FHIT: variants seen among roughly 807,000 people sequenced by gnomAD.
FHIT encodes fragile histidine triad diadenosine triphosphatase.
Under a neutral mutation model 17.9 loss-of-function variants are expected in FHIT, and 19 were observed. The ratio of observed to expected loss-of-function variants is 1.06; its 90% confidence interval spans 0.74 to 1.56. The LOEUF is 1.56. Among genes scored for constraint, FHIT ranks in the 40% most tolerant of loss-of-function variants. The pLI is 0.00. For missense variants in FHIT, 248 were observed against 189.2 expected (o/e 1.31, Z -1.82); for synonymous variants, 81 against 69.7 (o/e 1.16, Z -0.81).
At position 60,938,006 on chromosome 3, in the gene FHIT, C is replaced by CCTT. The variant is rs1553773534; in HGVS notation, c.-111+104040_-111+104041insAAG. Among the ~76,000 whole-genome samples the CCTT allele has an allele frequency of 1.4e-4, 22 of 152,272 alleles. No homozygotes were observed. The South Asian group carries it at 4.4e-3, about 30-fold the overall frequency. ...AGGCCTGAGGGACTCTGTTTCTCTA[C>CCTT]AGGTCAGCTCCAAAGCAGAGGGCCC... On this transcript the variant is annotated intron_variant, in intron 3 of 9. Transcript: ENST00000492590.
At chr3:60,046,739 G>A (rs1038675367) in intron 5 of FHIT, among the ~76,000 whole-genome samples, 1 of 152,208 alleles carries the variant, frequency 6.6e-6, no homozygotes, top group Non-Finnish European at 1.5e-5. Flanking sequence ...TCTGTAAACA[G>A]TGGGCTTGGT....
intron 3 of FHIT, among the ~76,000 whole-genome samples, chr3:60,877,461 C>G (rs1704720617): frequency 6.6e-6 from 1 of 152,230 alleles, no homozygotes; most frequent in Non-Finnish European, 1.5e-5. Flanking sequence ...TTTGGCAGAA[C>G]AGCTCCATCT....
chr3:60,509,764 G>A (rs2107540833), intron 5 of FHIT, among the ~76,000 whole-genome samples: 1 of 152,284 alleles, frequency 6.6e-6, no homozygotes, highest in South Asian at 2.1e-4. Context: ...TGTTGACAAT[G>A]ATCTGTTTCA....
intron 5 of FHIT, among the ~76,000 whole-genome samples, chr3:60,134,376 G>T (rs1206579295): frequency 2.6e-5 from 4 of 152,156 alleles, no homozygotes; most frequent in African/African-American, 4.8e-5. Flanking sequence ...TTAGAAAATT[G>T]TTCACATTTA....
At chr3:60,332,003 C>T (rs990346864) in intron 5 of FHIT, among the ~76,000 whole-genome samples, 5 of 152,000 alleles carry the variant, frequency 3.3e-5, no homozygotes, top group Non-Finnish European at 5.9e-5. Context: ...GTACCATGTA[C>T]ACAAAAATGA....
At chr3:60,451,341 TC>T (rs1332190409) in intron 5 of FHIT, among the ~76,000 whole-genome samples, 1 of 152,098 alleles carries the variant, frequency 6.6e-6, no homozygotes, top group Non-Finnish European at 1.5e-5. Context: ...GTGTTATAAA[TC>T]TTCACCTTTT....
chr3:60,254,920 T>C (rs1559765067), intron 5 of FHIT, among the ~76,000 whole-genome samples: 1 of 152,176 alleles, frequency 6.6e-6, no homozygotes, highest in Non-Finnish European at 1.5e-5. Context: ...ACAAGGATGG[T>C]TTAAAGGCCC....
At chr3:59,844,321 A>G (rs1487979616) in intron 8 of FHIT, among the ~76,000 whole-genome samples, 1 of 152,160 alleles carries the variant, frequency 6.6e-6, no homozygotes, top group Non-Finnish European at 1.5e-5. Flanking sequence ...TAGGACTTTA[A>G]GTACTATGTT....
chr3:60,820,212 G>A (rs1485048150), intron 4 of FHIT, among the ~76,000 whole-genome samples: 1 of 152,040 alleles, frequency 6.6e-6, no homozygotes, highest in Non-Finnish European at 1.5e-5. Context: ...GGAGGCTGAG[G>A]CACAAAAATT....
At chr3:60,709,752 G>T (rs1447583242) in intron 4 of FHIT, among the ~76,000 whole-genome samples, 1 of 152,088 alleles carries the variant, frequency 6.6e-6, no homozygotes, top group Non-Finnish European at 1.5e-5. Context: ...GCTCATGGTG[G>T]CATATCCAAG....
chr3:60,833,605 C>T (rs540529469), intron 3 of FHIT, among the ~76,000 whole-genome samples: 22 of 152,250 alleles, frequency 1.4e-4, no homozygotes, highest in African/African-American at 5.3e-4. Flanking sequence ...TGTAGACTCA[C>T]ATGAAGGTTG....
chr3:60,282,674 G>A (rs926930453), intron 5 of FHIT, among the ~76,000 whole-genome samples: 1 of 152,102 alleles, frequency 6.6e-6, no homozygotes, highest in Non-Finnish European at 1.5e-5. Flanking sequence ...GTGGGGCGGG[G>A]ATGGGGGAAT....
chr3:60,226,493 A>AC (rs1553717001), intron 5 of FHIT, among the ~76,000 whole-genome samples: 1 of 147,058 alleles, frequency 6.8e-6, no homozygotes, highest in African/African-American at 2.7e-5. Context: ...AAAAAAAAAA[A>AC]ACACTGCCTG....
chr3:61,242,195 G>C (rs1362508094), intron 1 of FHIT, among the ~76,000 whole-genome samples: 1 of 151,988 alleles, frequency 6.6e-6, no homozygotes, highest in African/African-American at 2.4e-5. Context: ...GGTCTGAAAG[G>C]GGATCAGAAT....
At chr3:60,648,346 C>T (rs548518218) in intron 4 of FHIT, among the ~76,000 whole-genome samples, 1 of 152,090 alleles carries the variant, frequency 6.6e-6, no homozygotes, top group Non-Finnish European at 1.5e-5. Flanking sequence ...ATCATAAATC[C>T]AACTTGTATT....
chr3:60,059,254 C>T (rs145481245), intron 5 of FHIT, among the ~76,000 whole-genome samples: 15 of 152,254 alleles, frequency 9.9e-5, no homozygotes, highest in African/African-American at 3.4e-4. Context: ...CACAAGCATG[C>T]GCATTAAGAG....
intron 4 of FHIT, chr3:60,617,485 A>T (rs2038986520): frequency 6.5e-6 from 1 of 154,882 alleles, no homozygotes; most frequent in Admixed American, 6.5e-5. Flanking sequence ...CAGATTTTGT[A>T]AGAAAGATGA....
intron 5 of FHIT, among the ~76,000 whole-genome samples, chr3:60,141,582 A>C (rs750448313): frequency 5.3e-5 from 8 of 152,184 alleles, no homozygotes; most frequent in African/African-American, 1.7e-4. Context: ...CTGTCAGTGT[A>C]GTAGCTTCTA....
intron 4 of FHIT, among the ~76,000 whole-genome samples, chr3:60,547,869 T>C (rs1288488619): frequency 1.3e-5 from 2 of 152,096 alleles, no homozygotes; most frequent in African/African-American, 2.4e-5. Flanking sequence ...CAAAAGCAAA[T>C]GCAGGCCCCA....
Sources: allele counts gnomAD v4.1 joint callset (sites outside exome capture counted in the v4.1 genomes callset), GRCh38; gene constraint gnomAD v4.1.1; transcripts MANE v1.5; gene names NCBI Gene and HGNC (gene_info 2026-07-23, HGNC 2026-07-21).